Variants in STX1B observed in about 807,000 individuals in gnomAD.
STX1B encodes syntaxin 1B, also known as syntaxin-1B.
A neutral mutation model predicts 39.4 loss-of-function variants in STX1B; 7 were observed. The ratio of observed to expected loss-of-function variants is 0.18; its 90% CI spans 0.10 to 0.33. The LOEUF (loss-of-function observed/expected upper bound fraction) is 0.33, where lower values mean the gene tolerates loss of function less well. STX1B is among the 10% of genes least tolerant of loss of function. STX1B has a pLI of 1.00. For missense variants in STX1B, 198 were observed against 383.2 expected, an observed-to-expected ratio of 0.52 and a Z score of 4.04; for synonymous variants, 136 against 144.1, an observed-to-expected ratio of 0.94 and a Z score of 0.40.
At chr16:30,993,264 A>G (rs1567376746) in intron 8 of STX1B, 24 bp from the exon 9 acceptor site, 2 of 1,613,828 alleles carry the variant, frequency 1.2e-6, no homozygotes, top group South Asian at 1.1e-5. Context: ...AGACATGCAC[A>G]GGGAGGGATG....
chr16:31,006,973 T>C (rs1034314779), intron 1 of STX1B, among the ~76,000 whole-genome samples: 2 of 151,970 alleles, frequency 1.3e-5, no homozygotes, highest in Non-Finnish European at 2.9e-5. Context: ...TAGCCAGGCA[T>C]GGTGGTGCGC....
In STX1B at chr16:31,001,219, A is replaced by G. The variant is rs772235806; in HGVS notation, c.106-26T>C. On this transcript the variant is annotated intron_variant, in intron 2 of 9. Transcript: ENST00000215095. The surrounding 1 kb of genome is among the most constrained non-coding windows in gnomAD (Gnocchi z 5.5). ...CTGGAGCAGAAAATCGGCTATACCC[A>G]GCCAAGCTGTCAGGCCAAACAACGG... is the stretch of plus-strand genomic sequence containing the variant. 1 of 1,609,170 alleles carries G rather than the reference A, an allele frequency of 6.2e-7. No homozygotes were observed. The highest frequency in any genetic ancestry group is 8.5e-7 in the Non-Finnish European group (1 of 1,177,666).
At position 31,001,556 on chromosome 16, in the gene STX1B, G is replaced by A. The variant is rs2143678765; in HGVS notation, c.78C>T (p.Asp26=). ...DEEEVVHVDR[D]HFMDEFFEQV... is the part of the protein sequence containing the mutation. ...GTTCAAAGAACTCATCCATGAAGTG[G>A]TCCCGATCCACGTGGACCACCTCCT... is the stretch of plus-strand genomic sequence containing the variant. Residue 26 remains aspartate (D), a synonymous_variant, in exon 2 of 10, where the codon GAC becomes GAT. Transcript: ENST00000215095. The surrounding 1 kb of genome is among the most constrained non-coding windows in gnomAD (Gnocchi z 5.5). The A allele has an allele frequency of 2.5e-6, 4 of 1,613,068 alleles. No homozygotes were observed. In the South Asian group the frequency reaches 4.4e-5, roughly 18 times the overall value.
In STX1B at chr16:31,010,528, C is replaced by T. The variant is rs1300416621; in HGVS notation, c.-132G>A. On this transcript the variant is annotated 5_prime_UTR_variant, in exon 1 of 10. Coordinates refer to ENST00000215095, the MANE Select transcript of STX1B (RefSeq NM_052874.5). ...GCGGCCGCTGCGGGGGGCCTGCGGG[C>T]GGGGGCGGGGCCGGGGGCGACTGGC... 1 of 169,690 alleles carries T rather than the reference C, an allele frequency of 5.9e-6. No homozygotes were observed. The highest frequency in any genetic ancestry group is 2.4e-4 in the East Asian group (1 of 4,188). 10.5% of individuals were successfully genotyped at this position (169,690 alleles called of 1,614,324 possible).
chr16:31,003,084 C>T (rs906006408), intron 1 of STX1B, among the ~76,000 whole-genome samples: 6 of 152,156 alleles, frequency 3.9e-5, no homozygotes, highest in Non-Finnish European at 7.3e-5. Flanking sequence ...CAGCAGTGCC[C>T]CACAGCCCCA....
Position 30,991,761 on chromosome 16 carries a change from G to C in STX1B, c.*1060C>G, listed in dbSNP as rs1339252476. The stretch of plus-strand genomic sequence containing the variant: ...CAGGCGCCTGTAGTCCCAGCTACTT[G>C]GGAGGCTGAGGCATGAGAATCGCTT... On this transcript the variant is annotated 3_prime_UTR_variant, in exon 10 of 10. Transcript: ENST00000215095. 1 of 152,194 alleles carries C rather than the reference G, an allele frequency of 6.6e-6. No homozygotes were observed. Among genetic ancestry groups the C allele is most frequent in the Admixed American group, 6.5e-5 (1 of 15,268 alleles). 9.4% of individuals were successfully genotyped at this position (152,194 alleles called of 1,614,324 possible).
At chr16:30,993,109 C>T (rs760931513) in intron 9 of STX1B, 21 bp downstream of exon 9, 4 of 1,611,644 alleles carry the variant, frequency 2.5e-6, no homozygotes, top group South Asian at 1.1e-5. Context: ...CGCCTACCCC[C>T]AGGCCGCCTG....
chr16:31,008,075 C>T (rs1371949105), intron 1 of STX1B, among the ~76,000 whole-genome samples: 1 of 151,916 alleles, frequency 6.6e-6, no homozygotes, highest in African/African-American at 2.4e-5. Flanking sequence ...GGCTAATGTC[C>T]CCTCCCACCA....
intron 1 of STX1B, among the ~76,000 whole-genome samples, chr16:31,006,829 T>C (rs1382831364): frequency 1.3e-5 from 2 of 152,172 alleles, no homozygotes; most frequent in African/African-American, 4.8e-5. Context: ...AGAAGCCCAG[T>C]GCCAGCCGAG....
At chr16:30,999,628 A>ACACTTGTG (rs1401947892) in intron 4 of STX1B, among the ~76,000 whole-genome samples, 1 of 152,204 alleles carries the variant, frequency 6.6e-6, no homozygotes, top group Non-Finnish European at 1.5e-5. Context: ...CCAGCCCCTG[A>ACACTTGTG]TGTCAGCCAC....
rs1489156158 is a variant in STX1B at position 30,991,477 on chromosome 16, T to C, written c.*1344A>G. The C allele has an allele frequency of 6.6e-6, 1 of 152,008 alleles. No individual in the cohort carries two copies. The highest frequency in any genetic ancestry group is 1.5e-5 in the Non-Finnish European group (1 of 68,112). 9.4% of individuals were successfully genotyped at this position (152,008 alleles called of 1,614,324 possible). A position where few individuals can be genotyped will look rare whatever the true frequency, so the allele number is the denominator to read the frequency against. ...GGACAACTGGAGAGACAAAGCCAGA[T>C]GGGGCCACGTCCTTAGAAGTGTGTG... On this transcript the variant is annotated 3_prime_UTR_variant, in exon 10 of 10. Coordinates refer to ENST00000215095, the MANE Select transcript of STX1B (RefSeq NM_052874.5).
rs141856809 is a variant in STX1B at position 31,002,159 on chromosome 16, C to T, written c.31-556G>A. ...ACGGGCAGCACCCCGACCTCCCTCG[C>T]GCCCTGTGCCCCCCTCTTCCCGCCC... On this transcript the variant is annotated intron_variant, in intron 1 of 9. Coordinates refer to ENST00000215095, the MANE Select transcript of STX1B (RefSeq NM_052874.5). Among the ~76,000 whole-genome samples the T allele has an allele frequency of 8.1e-3, 1,240 of 152,184 alleles. 19 individuals carry two copies. The highest frequency in any genetic ancestry group is 0.028 in the African/African-American group (1,166 of 41,514).
At chr16:30,994,892 C>CTTTTTTTTTTTTT (rs10524041) in intron 7 of STX1B, among the ~76,000 whole-genome samples, 6 of 99,826 alleles carry the variant, frequency 6.0e-5, no homozygotes, top group Admixed American at 1.2e-4. Context: ...GTCTCCCCGT[C>CTTTTTTTTTTTTT]TTTTTTTTTT....
At chr16:30,996,791 G>A in intron 6 of STX1B, 35 bp from the exon 7 acceptor site, 1 of 1,611,386 alleles carries the variant, frequency 6.2e-7, no homozygotes, top group Non-Finnish European at 8.5e-7. Context: ...TCGGGGGCTG[G>A]GACAGCCTGG....
rs547185009 is a variant in STX1B at position 31,000,771 on chromosome 16, G to A, written c.280+157C>T. On this transcript the variant is annotated intron_variant, in intron 4 of 9. Coordinates refer to ENST00000215095, the MANE Select transcript of STX1B (RefSeq NM_052874.5). ...TCCCAAACTGGCCCAGCTAATTTTT[G>A]TATTTTTTGTAGAGACAGAGTTTTG... 3.2e-5 allele frequency: 24 copies of A among 739,016 alleles called. No homozygotes were observed. In the African/African-American group the frequency reaches 3.7e-4, roughly 11 times the overall value. 45.8% of individuals were successfully genotyped at this position (739,016 alleles called of 1,614,324 possible). A position where few individuals can be genotyped will look rare whatever the true frequency, so the allele number is the denominator to read the frequency against.
intron 1 of STX1B, among the ~76,000 whole-genome samples, chr16:31,004,678 A>T (rs993450686): frequency 2.2e-3 from 119 of 54,124 alleles, no homozygotes; most frequent in African/African-American, 6.2e-3. Flanking sequence ...CCCGTTTCTT[A>T]AAAAAAAAAA....
intron 1 of STX1B, among the ~76,000 whole-genome samples, chr16:31,007,021 G>A (rs531518405): frequency 1.4e-4 from 21 of 152,310 alleles, no homozygotes; most frequent in Non-Finnish European, 2.9e-4. Flanking sequence ...TGTGGCAGGA[G>A]GATCCCTGGA....
chr16:31,008,869 G>T (rs2056667303), intron 1 of STX1B, among the ~76,000 whole-genome samples: 4 of 152,042 alleles, frequency 2.6e-5, no homozygotes, highest in African/African-American at 7.3e-5. Context: ...TATCTAAAAA[G>T]ATATTTATAT....
At chr16:31,008,205 C>T (rs534536254) in intron 1 of STX1B, among the ~76,000 whole-genome samples, 6 of 152,016 alleles carry the variant, frequency 3.9e-5, no homozygotes, top group South Asian at 2.1e-4. Context: ...GAGACCCTTA[C>T]GCTACCTGAA....
Sources: allele counts gnomAD v4.1 joint callset (sites outside exome capture counted in the v4.1 genomes callset), GRCh38; gene constraint gnomAD v4.1.1; non-coding constraint Gnocchi (gnomAD v3.1); transcripts MANE v1.5; gene names NCBI Gene and HGNC (gene_info 2026-07-23, HGNC 2026-07-21).